Variants in DNAJC6 observed in about 807,000 individuals in gnomAD.
DNAJC6 encodes the protein auxilin.
Under a neutral mutation model 110.0 loss-of-function variants are expected in DNAJC6, and 34 were observed. The observed-to-expected ratio is 0.31, with a 90% CI of 0.24 to 0.41. The LOEUF (loss-of-function observed/expected upper bound fraction) is 0.41. DNAJC6 is among the 10% of genes least tolerant of loss of function. The pLI is 1.00. For missense variants in DNAJC6, 1,031 were observed against 1,207.8 expected (o/e 0.85, Z 2.17); for synonymous variants, 406 against 437.2 (o/e 0.93, Z 0.89).
At chr1:65,369,869 T>G (rs965603530) in intron 4 of DNAJC6, among the ~76,000 whole-genome samples, 7 of 152,182 alleles carry the variant, frequency 4.6e-5, no homozygotes, top group Non-Finnish European at 4.4e-5. Context: ...TTTTCCTGAT[T>G]TTTCTATTAT....
chr1:65,363,120 A>G (rs1570327450), intron 1 of DNAJC6, among the ~76,000 whole-genome samples: 1 of 152,172 alleles, frequency 6.6e-6, no homozygotes, highest in African/African-American at 2.4e-5. Context: ...AAACCTTCAG[A>G]TCTCTCACTG....
At chr1:65,368,111 A>T (rs995148491) in intron 4 of DNAJC6, among the ~76,000 whole-genome samples, 1 of 152,196 alleles carries the variant, frequency 6.6e-6, no homozygotes, top group Non-Finnish European at 1.5e-5. Flanking sequence ...AAGACACCTA[A>T]GCCTAGTTGG....
chr1:65,294,407 T>TG (rs1170748620), intron 1 of DNAJC6, among the ~76,000 whole-genome samples: 1 of 152,112 alleles, frequency 6.6e-6, no homozygotes, highest in Non-Finnish European at 1.5e-5. Context: ...TTGTTGACTA[T>TG]GAAAAAAAAA....
chr1:65,329,445 A>G (rs1645268143), intron 1 of DNAJC6, among the ~76,000 whole-genome samples: 1 of 152,110 alleles, frequency 6.6e-6, no homozygotes, highest in Non-Finnish European at 1.5e-5. Flanking sequence ...TAAAATGGGG[A>G]TAGTAAAACA....
intron 1 of DNAJC6, among the ~76,000 whole-genome samples, chr1:65,277,531 CT>C (rs1557494138): frequency 6.6e-6 from 1 of 152,160 alleles, no homozygotes; most frequent in East Asian, 1.9e-4. Flanking sequence ...GATCTTGTAA[CT>C]TTTATTCCAA....
At chr1:65,335,766 C>T (rs1243939262) in intron 1 of DNAJC6, among the ~76,000 whole-genome samples, 4 of 152,046 alleles carry the variant, frequency 2.6e-5, no homozygotes, top group Non-Finnish European at 5.9e-5. Flanking sequence ...TAGGCCATTG[C>T]GCGAGCTTTG....
In DNAJC6 at chr1:65,389,268, T is replaced by C. The variant is rs1410852069; in HGVS notation, c.1206T>C (p.Asp402=). Residue 402 remains aspartate (D), a synonymous_variant, in exon 10 of 19, where the codon GAT becomes GAC. Coordinates refer to ENST00000371069, the MANE Select transcript of DNAJC6 (RefSeq NM_001256864.2). The part of the protein sequence containing the change: ...TVLKFTKPEL[D]ACDVPEKYPQ... Reference sequence around the variant, plus strand: ...AATCCCTATTTAGGCCTGAGTTAGATGCATGTGATGTACCAGAAAAATATC... The same window carrying C: ...AATCCCTATTTAGGCCTGAGTTAGACGCATGTGATGTACCAGAAAAATATC... 6.2e-7 allele frequency: 1 copy of C among 1,614,022 alleles called. No homozygotes were observed. The highest frequency in any genetic ancestry group is 2.2e-5 in the East Asian group (1 of 44,878).
intron 1 of DNAJC6, among the ~76,000 whole-genome samples, chr1:65,338,533 A>G (rs1645359261): frequency 6.6e-6 from 1 of 152,112 alleles, no homozygotes; most frequent in Non-Finnish European, 1.5e-5. Flanking sequence ...TTTAAAATTT[A>G]TGTTTGTAAT....
chr1:65,299,281 C>A lies in DNAJC6; in HGVS notation c.-131+34349C>A, dbSNP rs145137601. ...GTCTCAGAACCACTGTGTCATAACA[C>A]TGACATTTTGCTTAAAGCTCTGTAT... On this transcript the variant is annotated intron_variant, in intron 1 of 19. Coordinates refer to the DNAJC6 transcript ENST00000263441. Among the ~76,000 whole-genome samples, 64 of 152,340 alleles carry A rather than the reference C, an allele frequency of 4.2e-4. 1 individual carries two copies. The East Asian group carries it at 0.012, about 28-fold the overall frequency.
intron 1 of DNAJC6, among the ~76,000 whole-genome samples, chr1:65,339,831 G>A (rs1032676145): frequency 6.6e-5 from 10 of 152,068 alleles, no homozygotes; most frequent in Admixed American, 6.6e-4. Flanking sequence ...GGCTTCTGGG[G>A]CAAAAATAAA....
rs373053157 is a variant in DNAJC6 at position 65,391,920 on chromosome 1, G to A, written c.1469-511G>A. Among the ~76,000 whole-genome samples, 7 of 152,180 alleles carry A rather than the reference G, an allele frequency of 4.6e-5. No homozygotes were observed. In the South Asian group the frequency reaches 8.3e-4, roughly 18 times the overall value. On this transcript the variant is annotated intron_variant, in intron 11 of 18. Coordinates refer to ENST00000371069, the MANE Select transcript of DNAJC6 (RefSeq NM_001256864.2). The stretch of plus-strand genomic sequence containing the variant: ...AGCCTCCCGAGTAGCTGGGATTACA[G>A]GCACACGCCACCATGTGCAGCTAAT...
intron 1 of DNAJC6, among the ~76,000 whole-genome samples, chr1:65,342,902 A>G (rs1230290949): frequency 1.3e-5 from 2 of 152,208 alleles, no homozygotes; most frequent in African/African-American, 4.8e-5. Context: ...TACTTGATAC[A>G]GATAGAAATT....
chr1:65,392,377 C>A (rs1166251632), intron 11 of DNAJC6, 54 bp from the exon 12 acceptor site: 2 of 1,475,456 alleles, frequency 1.4e-6, no homozygotes, highest in Non-Finnish European at 1.8e-6. Context: ...ATAACAAAAA[C>A]CAACAATGCT....
chr1:65,310,446 TAACTC>T (rs1557514678), intron 1 of DNAJC6, among the ~76,000 whole-genome samples: 1 of 152,244 alleles, frequency 6.6e-6, no homozygotes, highest in African/African-American at 2.4e-5. Context: ...TGCCACATCT[TAACTC>T]AGCCGTCTGC....
In DNAJC6 at chr1:65,406,035, T is replaced by A. The variant is rs1436437552; in HGVS notation, c.2393T>A (p.Met798Lys). 2 of 1,614,152 alleles carry A rather than the reference T, an allele frequency of 1.2e-6. No individual in the cohort carries two copies. The highest frequency in any genetic ancestry group is 4.5e-5 in the East Asian group (2 of 44,854). Residue 798 changes from methionine (M) to lysine (K), a missense_variant, in exon 16 of 19, where the codon ATG becomes AAG. Transcript: ENST00000371069. ...QQPQPKPQPS[M>K]PHSSPQNRPN... ...CCACAGCCTAAGCCTCAGCCCAGCA[T>A]GCCCCACTCCTCTCCCCAGAACCGA...
At chr1:65,346,662 A>G (rs186231107) in intron 1 of DNAJC6, among the ~76,000 whole-genome samples, 3 of 152,066 alleles carry the variant, frequency 2.0e-5, no homozygotes, top group African/African-American at 7.2e-5. Flanking sequence ...TGTAATACTC[A>G]TCTTTCAGTG....
At chr1:65,345,138 G>A (rs1344503085) in intron 1 of DNAJC6, among the ~76,000 whole-genome samples, 2 of 151,844 alleles carry the variant, frequency 1.3e-5, no homozygotes, top group Non-Finnish European at 2.9e-5. Flanking sequence ...TCTGTATAAG[G>A]TTATACAGCA....
At chr1:65,299,210 T>C (rs922555740) in intron 1 of DNAJC6, among the ~76,000 whole-genome samples, 1 of 152,166 alleles carries the variant, frequency 6.6e-6, no homozygotes, top group Non-Finnish European at 1.5e-5. Context: ...TTAGCACAAA[T>C]GGAAAATAAG....
chr1:65,394,816 G>A, intron 12 of DNAJC6, 82 bp from the exon 13 acceptor site: 1 of 1,470,696 alleles, frequency 6.8e-7, no homozygotes, highest in Non-Finnish European at 9.1e-7. Flanking sequence ...TCCACTGTTA[G>A]CCCTACAGGA....
Sources: allele counts gnomAD v4.1 joint callset (sites outside exome capture counted in the v4.1 genomes callset), GRCh38; gene constraint gnomAD v4.1.1; transcripts MANE v1.5; gene names NCBI Gene and HGNC (gene_info 2026-07-23, HGNC 2026-07-21).